The following CFAP61 variants were observed in gnomAD, a reference collection of about 807,000 sequenced individuals.
CFAP61 encodes the protein cilia and flagella associated protein 61, also known as cilia- and flagella-associated protein 61.
A neutral mutation model predicts 135.6 loss-of-function variants in CFAP61; 107 were observed. That is an observed-to-expected ratio of 0.79 (90% CI 0.67 to 0.93). CFAP61 has a LOEUF of 0.93. CFAP61 is among the 40% of genes least tolerant of loss of function. The pLI, the probability that CFAP61 is intolerant of heterozygous loss-of-function variation, is 0.00. For missense variants in CFAP61, 1,507 were observed against 1,556.2 expected (o/e 0.97, Z 0.53); for synonymous variants, 575 against 578.5 (o/e 0.99, Z 0.09).
intron 25 of CFAP61, among the ~76,000 whole-genome samples, chr20:20,331,909 G>A (rs1162831195): frequency 6.6e-6 from 1 of 152,176 alleles, no homozygotes; most frequent in Non-Finnish European, 1.5e-5. Flanking sequence ...CAGAATGAGA[G>A]CAGACAGGCA....
At chr20:20,119,400 G>A (rs1407479775) in intron 8 of CFAP61, among the ~76,000 whole-genome samples, 1 of 152,088 alleles carries the variant, frequency 6.6e-6, no homozygotes, top group Non-Finnish European at 1.5e-5. Flanking sequence ...ATTTGTTGGT[G>A]TGTAATTGTT....
intron 6 of CFAP61, among the ~76,000 whole-genome samples, chr20:20,089,386 T>TTATA (rs11473166): frequency 0.02 from 2,903 of 148,210 alleles, 79 homozygotes; most frequent in African/African-American, 0.064. Flanking sequence ...GCCCTGAGCT[T>TTATA]TATATATATA....
chr20:20,253,154 C>CT (rs2051112073), intron 20 of CFAP61: 1 of 152,464 alleles, frequency 6.6e-6, no homozygotes, highest in African/African-American at 2.4e-5. Flanking sequence ...ATTTTCTTTT[C>CT]TTTTCTTTTC....
Position 20,106,293 on chromosome 20 carries a change from G to T in CFAP61, c.859+7479G>T, listed in dbSNP as rs187227732. ...CAAAGCCATCTTGGTGAGCCTTTTG[G>T]TTATTTCATAAAACCTGTTGTCAAT... On this transcript the variant is annotated intron_variant, in intron 8 of 26. Coordinates refer to ENST00000245957, the MANE Select transcript of CFAP61 (RefSeq NM_015585.4). Among the ~76,000 whole-genome samples, 984 of 152,044 alleles carry T rather than the reference G, an allele frequency of 6.5e-3. 5 individuals carry two copies. Among genetic ancestry groups the T allele is most frequent in the South Asian group, 0.016 (79 of 4,814 alleles).
chr20:20,058,488 A>G (rs566240893), intron 2 of CFAP61, among the ~76,000 whole-genome samples: 2 of 152,352 alleles, frequency 1.3e-5, no homozygotes, highest in African/African-American at 4.8e-5. Flanking sequence ...AGCTTTGCAA[A>G]GAATGGAAGA....
intron 8 of CFAP61, among the ~76,000 whole-genome samples, chr20:20,142,451 C>T (rs2051481653): frequency 6.6e-6 from 1 of 152,198 alleles, no homozygotes; most frequent in African/African-American, 2.4e-5. Context: ...TCAAAGCCCA[C>T]CATCGAGGAA....
chr20:20,323,852 T>A (rs2057644632), intron 25 of CFAP61, among the ~76,000 whole-genome samples: 1 of 152,190 alleles, frequency 6.6e-6, no homozygotes. Flanking sequence ...ATATAAACAA[T>A]ATTTCACGTG....
At chr20:20,056,552 A>G (rs1027706763) in intron 1 of CFAP61, 66 bp from the exon 2 acceptor site, 1 of 1,104,164 alleles carries the variant, frequency 9.1e-7, no homozygotes, top group Admixed American at 2.0e-5. Context: ...GACCACATGG[A>G]AATTGAATTA....
At chr20:20,071,991 C>T (rs1447580778) in intron 3 of CFAP61, among the ~76,000 whole-genome samples, 1 of 150,568 alleles carries the variant, frequency 6.6e-6, no homozygotes. Flanking sequence ...GATTTTTGTC[C>T]ATTAGGATGT....
At chr20:20,261,498 T>G (rs990659520) in intron 20 of CFAP61, among the ~76,000 whole-genome samples, 1 of 152,158 alleles carries the variant, frequency 6.6e-6, no homozygotes, top group Non-Finnish European at 1.5e-5. Context: ...AGGCTCCCTC[T>G]AGGCTGCCCC....
chr20:20,066,390 C>A (rs1416841284), intron 2 of CFAP61, among the ~76,000 whole-genome samples: 1 of 152,156 alleles, frequency 6.6e-6, no homozygotes, highest in East Asian at 1.9e-4. Context: ...ATGCTTATTG[C>A]AGCACCATTC....
intron 8 of CFAP61, among the ~76,000 whole-genome samples, chr20:20,120,971 C>G (rs1480315965): frequency 6.6e-6 from 1 of 152,028 alleles, no homozygotes; most frequent in Non-Finnish European, 1.5e-5. Context: ...TTTTCAGTTG[C>G]ATGGAATATA....
At chr20:20,133,206 T>C (rs2050674029) in intron 8 of CFAP61, among the ~76,000 whole-genome samples, 1 of 152,232 alleles carries the variant, frequency 6.6e-6, no homozygotes, top group Non-Finnish European at 1.5e-5. Flanking sequence ...ACAATAATGC[T>C]ACTAACAAAC....
At chr20:20,059,595 G>A (rs1261498285) in intron 2 of CFAP61, among the ~76,000 whole-genome samples, 1 of 151,814 alleles carries the variant, frequency 6.6e-6, no homozygotes, top group African/African-American at 2.4e-5. Context: ...TCCAGCCTGG[G>A]TGACACAGTG....
At chr20:20,249,249 AATG>A (rs1461684700) in intron 19 of CFAP61, among the ~76,000 whole-genome samples, 1 of 152,314 alleles carries the variant, frequency 6.6e-6, no homozygotes, top group East Asian at 1.9e-4. Context: ...TCACTTATAC[AATG>A]ATATTTTAAA....
chr20:20,239,202 C>T (rs2049831783), intron 18 of CFAP61, among the ~76,000 whole-genome samples: 1 of 152,124 alleles, frequency 6.6e-6, no homozygotes. Context: ...GTCTATTAGA[C>T]TTATGTATTA....
At chr20:20,249,494 G>A (rs2050725851) in intron 19 of CFAP61, among the ~76,000 whole-genome samples, 1 of 152,206 alleles carries the variant, frequency 6.6e-6, no homozygotes, top group Non-Finnish European at 1.5e-5. Flanking sequence ...AGCCATGATT[G>A]TACCACTGTG....
chr20:20,230,881 T>C (rs2049083557), intron 18 of CFAP61, among the ~76,000 whole-genome samples: 1 of 152,200 alleles, frequency 6.6e-6, no homozygotes, highest in African/African-American at 2.4e-5. Context: ...TGAGCTGCAT[T>C]GTCAGACTCA....
chr20:20,291,936 T>C lies in CFAP61; in HGVS notation c.3216+1545T>C, dbSNP rs543078741. Among the ~76,000 whole-genome samples the C allele has an allele frequency of 2.6e-5, 4 of 152,342 alleles. No individual in the cohort carries two copies. The East Asian group carries it at 7.7e-4, about 29-fold the overall frequency. On this transcript the variant is annotated intron_variant, in intron 24 of 26. Transcript: ENST00000245957. ...TCCCATTTTCTTCTCTTGAATATTT[T>C]TGAGGGTAAACAATATGACCAACCT...
Sources: gnomAD v4.1 joint callset for allele counts (sites outside exome capture counted in the v4.1 genomes callset) on GRCh38, gnomAD v4.1.1 for gene constraint, MANE v1.5 for transcripts, NCBI Gene and HGNC (gene_info 2026-07-23, HGNC 2026-07-21) for gene names.